The following FMNL2 variants were observed in gnomAD, a reference collection of about 807,000 sequenced individuals.
The protein encoded by FMNL2 is formin-like protein 2.
In FMNL2, 51 loss-of-function variants were observed where a neutral mutation model predicts 130.2. The ratio of observed to expected loss-of-function variants is 0.39; its 90% CI spans 0.31 to 0.49. The LOEUF (loss-of-function observed/expected upper bound fraction) is 0.49, where lower values mean the gene tolerates loss of function less well. Ranked by LOEUF, FMNL2 falls within the 20% of genes least tolerant of loss-of-function variation. The probability of loss-of-function intolerance (pLI) is 0.85; values close to 1 mark genes in which losing one functional copy is unlikely to be tolerated. For synonymous variants in FMNL2, 465 were observed against 467.1 expected (o/e 1.00, Z 0.06); for missense variants, 977 against 1,316.2 (o/e 0.74, Z 3.99).
In FMNL2 at chr2:152,357,154, TC is replaced by T. The variant is rs1221753610; in HGVS notation, c.117+21435del. ...TTAATGTATCACGATAAATATTACATCAGTTTAATGTATCACGATAAATATT... is the reference window on the plus strand; with the variant it reads ...TTAATGTATCACGATAAATATTACATAGTTTAATGTATCACGATAAATATT... On this transcript the variant is annotated intron_variant, in intron 1 of 25. Transcript: ENST00000288670. Among the ~76,000 whole-genome samples, 24 of 124,512 alleles carry T rather than the reference TC, an allele frequency of 1.9e-4. 3 individuals carry two copies. The highest frequency in any genetic ancestry group is 3.8e-4 in the Admixed American group (4 of 10,596). The allele number at this position is 124,512 out of a possible 152,430, so 81.7% of individuals were successfully genotyped here.
chr2:152,596,604 A>G (rs1201745441), intron 9 of FMNL2, among the ~76,000 whole-genome samples: 1 of 152,134 alleles, frequency 6.6e-6, no homozygotes, highest in Non-Finnish European at 1.5e-5. Context: ...TTATATGTTG[A>G]TATTTTCCAT....
Position 152,607,457 on chromosome 2 carries a change from CT to C in FMNL2, c.951+51del, listed in dbSNP as rs35268946. On this transcript the variant is annotated intron_variant, in intron 10 of 25. Transcript: ENST00000288670. Reference sequence around the variant, plus strand: ...CAATAAAGCAAACTCAGTTTCAATACTTTTTTTCTAAATACACACACACACA... The same window carrying C: ...CAATAAAGCAAACTCAGTTTCAATACTTTTTTCTAAATACACACACACACA... 10 of 1,257,172 alleles carry C rather than the reference CT, an allele frequency of 8.0e-6. No individual in the cohort carries two copies. The South Asian group carries it at 1.1e-4, about 14-fold the overall frequency. 77.9% of individuals were successfully genotyped at this position (1,257,172 alleles called of 1,614,324 possible).
At chr2:152,405,779 G>T (rs1176021722) in intron 1 of FMNL2, among the ~76,000 whole-genome samples, 1 of 152,134 alleles carries the variant, frequency 6.6e-6, no homozygotes, top group Admixed American at 6.5e-5. Context: ...CCTGGTTCTG[G>T]GTCTTTGATT....
chr2:152,425,621 A>G lies in FMNL2; in HGVS notation c.117+89901A>G, dbSNP rs1310602230. Reference sequence around the variant, plus strand: ...AAAAGTATTTTAACAAAACAGCCATATATCTTAATATGCCAGAACCACTTA... The same window carrying G: ...AAAAGTATTTTAACAAAACAGCCATGTATCTTAATATGCCAGAACCACTTA... On this transcript the variant is annotated intron_variant, in intron 1 of 25. Transcript: ENST00000288670. Among the ~76,000 whole-genome samples, 4 of 152,352 alleles carry G rather than the reference A, an allele frequency of 2.6e-5. No homozygotes were observed. The South Asian group carries it at 8.3e-4, about 32-fold the overall frequency.
At chr2:152,447,286 A>G (rs1688398269) in intron 1 of FMNL2, among the ~76,000 whole-genome samples, 1 of 152,104 alleles carries the variant, frequency 6.6e-6, no homozygotes, top group Admixed American at 6.6e-5. Flanking sequence ...AAGTTTTTAC[A>G]GAGATGAAGT....
Position 152,628,103 on chromosome 2 carries a change from C to T in FMNL2, c.2166-196C>T, listed in dbSNP as rs1474776527. Among the ~76,000 whole-genome samples the T allele has an allele frequency of 3.3e-5, 5 of 152,174 alleles. No homozygotes were observed. The South Asian group carries it at 8.3e-4, about 25-fold the overall frequency. On this transcript the variant is annotated intron_variant, in intron 17 of 25. Coordinates refer to ENST00000288670, the MANE Select transcript of FMNL2 (RefSeq NM_052905.4). ...TTTTCAGGAAGAACCAGTTAAGTTA[C>T]CTGAGGCATAGTCAAGAACCAGCAC...
intron 1 of FMNL2, among the ~76,000 whole-genome samples, chr2:152,386,779 C>T (rs544855057): frequency 2.6e-4 from 39 of 152,286 alleles, no homozygotes; most frequent in Non-Finnish European, 5.3e-4. Context: ...TGGCATCCCG[C>T]CTCCCCATTT....
Position 152,649,459 on chromosome 2 carries a change from T to C in FMNL2, c.*1554T>C, listed in dbSNP as rs910430557. 4.6e-5 allele frequency: 7 copies of C among 152,722 alleles called. No individual in the cohort carries two copies. The highest frequency in any genetic ancestry group is 1.9e-4 in the East Asian group (1 of 5,188). 9.5% of individuals were successfully genotyped at this position (152,722 alleles called of 1,614,324 possible). A position where few individuals can be genotyped will look rare whatever the true frequency, so the allele number is the denominator to read the frequency against. ...CACATTTCACTTTAGTGTACCTATT[T>C]ACAGAAAGATTAAACTGCCACCTGC... is the stretch of plus-strand genomic sequence containing the variant. On this transcript the variant is annotated 3_prime_UTR_variant, in exon 26 of 26. Transcript: ENST00000288670.
intron 1 of FMNL2, among the ~76,000 whole-genome samples, chr2:152,422,825 G>A (rs1302610035): frequency 2.6e-5 from 4 of 152,152 alleles, no homozygotes; most frequent in Non-Finnish European, 2.9e-5. Context: ...ACCGCAACCG[G>A]CCTTGAATGA....
At chr2:152,635,904 T>C (rs987028218) in intron 21 of FMNL2, among the ~76,000 whole-genome samples, 1 of 152,108 alleles carries the variant, frequency 6.6e-6, no homozygotes, top group African/African-American at 2.4e-5. Flanking sequence ...TCCCAACACT[T>C]TGGAAAGTCG....
At chr2:152,437,294 A>C (rs927809013) in intron 1 of FMNL2, among the ~76,000 whole-genome samples, 10 of 152,100 alleles carry the variant, frequency 6.6e-5, no homozygotes, top group African/African-American at 2.4e-4. Flanking sequence ...TAGACATTTG[A>C]TTTGCTGCTC....
chr2:152,436,928 A>T (rs1407798996), intron 1 of FMNL2, among the ~76,000 whole-genome samples: 1 of 152,176 alleles, frequency 6.6e-6, no homozygotes, highest in Non-Finnish European at 1.5e-5. Flanking sequence ...AATAACAAAA[A>T]TACCATAGAC....
intron 9 of FMNL2, among the ~76,000 whole-genome samples, chr2:152,588,496 A>T (rs1357022561): frequency 1.3e-5 from 2 of 152,100 alleles, no homozygotes; most frequent in African/African-American, 4.8e-5. Flanking sequence ...CAAATTAAGG[A>T]ACTTCAGATG....
chr2:152,486,589 A>T (rs1439015184), intron 1 of FMNL2, among the ~76,000 whole-genome samples: 1 of 152,180 alleles, frequency 6.6e-6, no homozygotes, highest in African/African-American at 2.4e-5. Context: ...TGGAATTCAG[A>T]TGTTAAGATC....
intron 1 of FMNL2, among the ~76,000 whole-genome samples, chr2:152,451,182 T>A (rs751142177): frequency 1.3e-5 from 2 of 152,158 alleles, no homozygotes; most frequent in African/African-American, 4.8e-5. Context: ...GGAGTCTCGC[T>A]CTGTTGCCCA....
In FMNL2 at chr2:152,628,358, C is replaced by T; in HGVS notation, c.2225C>T (p.Thr742Ile). The T allele has an allele frequency of 6.2e-7, 1 of 1,614,030 alleles. No individual in the cohort carries two copies. Among genetic ancestry groups the T allele is most frequent in the Non-Finnish European group, 8.5e-7 (1 of 1,179,904 alleles). The change falls in exon 18 of 26, where the codon ACT becomes ATT. Residue 742 changes from threonine (T) to isoleucine (I), a missense_variant. Physicochemically the swap from Thr to Ile is moderately conservative, Grantham distance 89. Transcript: ENST00000288670. ...FVECLMRFLPTENEVKVLRLY... is the reference protein window; with the variant it reads ...FVECLMRFLPIENEVKVLRLY... ...GAATGCTTGATGCGGTTCCTACCAA[C>T]TGAGAATGAAGTGAAAGTGCTTCGG... is the stretch of plus-strand genomic sequence containing the variant.
chr2:152,465,620 A>T (rs1689487912), intron 1 of FMNL2, among the ~76,000 whole-genome samples: 1 of 152,218 alleles, frequency 6.6e-6, no homozygotes, highest in Non-Finnish European at 1.5e-5. Context: ...AGATTTTGTT[A>T]GTGGATATAT....
At chr2:152,370,803 T>C (rs1385394795) in intron 1 of FMNL2, among the ~76,000 whole-genome samples, 1 of 152,236 alleles carries the variant, frequency 6.6e-6, no homozygotes, top group Non-Finnish European at 1.5e-5. Context: ...AATAACAAAC[T>C]ACTGCAAAGC....
intron 4 of FMNL2, among the ~76,000 whole-genome samples, chr2:152,557,220 G>C (rs1416662355): frequency 1.3e-5 from 2 of 152,080 alleles, no homozygotes; most frequent in African/African-American, 4.8e-5. Flanking sequence ...TTGTGTATGT[G>C]GCTGTTTTGA....
Sources: gnomAD v4.1 joint callset for allele counts (sites outside exome capture counted in the v4.1 genomes callset) on GRCh38, gnomAD v4.1.1 for gene constraint, MANE v1.5 for transcripts, NCBI Gene and HGNC (gene_info 2026-07-23, HGNC 2026-07-21) for gene names.